Variants in MMS19 observed in about 807,000 individuals in gnomAD.
MMS19 encodes MMS19 cytosolic iron-sulfur assembly component, also known as MMS19 nucleotide excision repair protein homolog.
MMS19 carries 77 observed loss-of-function variants against 129.8 expected under a neutral mutation model. The observed-to-expected ratio is 0.59, with a 90% CI of 0.49 to 0.72. The LOEUF (loss-of-function observed/expected upper bound fraction) is 0.72. Ranked by LOEUF, MMS19 falls within the 30% of genes least tolerant of loss-of-function variation. MMS19 has a pLI of 0.00. For missense variants in MMS19, 1,168 were observed against 1,266.3 expected (o/e 0.92, Z 1.18); for synonymous variants, 491 against 502.8 (o/e 0.98, Z 0.31).
chr10:97,486,293 T>C (rs1473136321), intron 1 of MMS19, among the ~76,000 whole-genome samples: 1 of 152,244 alleles, frequency 6.6e-6, no homozygotes, highest in Non-Finnish European at 1.5e-5. Flanking sequence ...GCAATTCTCC[T>C]GTCTCAGCCA....
intron 12 of MMS19, 129 bp downstream of exon 12, chr10:97,468,837 G>C: frequency 1.1e-6 from 1 of 952,332 alleles, no homozygotes; most frequent in Non-Finnish European, 1.5e-6. Context: ...TTTAACTCCT[G>C]ACCTCAGGTG....
At position 97,462,015 on chromosome 10, in the gene MMS19, A is replaced by G; in HGVS notation, c.2115+2T>C. On this transcript the variant is annotated splice_donor_variant, in intron 21 of 30. Transcript: ENST00000438925. LOFTEE classifies it high-confidence loss of function. ...GAAGGATGTAAGTTCTAAGACTGTT[A>G]CCTGGAATGGCTGGAATCTGCTCGG... is the stretch of plus-strand genomic sequence containing the variant. 2 of 1,585,982 alleles carry G rather than the reference A, an allele frequency of 1.3e-6. No homozygotes were observed. The highest frequency in any genetic ancestry group is 1.2e-5 in the South Asian group (1 of 86,600).
chr10:97,481,599 T>C lies in MMS19; in HGVS notation c.162-557A>G, dbSNP rs74980191. Among the ~76,000 whole-genome samples, 1,222 of 152,284 alleles carry C rather than the reference T, an allele frequency of 8.0e-3. 28 individuals carry two copies. The highest frequency in any genetic ancestry group is 0.074 in the East Asian group (381 of 5,178). On this transcript the variant is annotated intron_variant, in intron 2 of 30. Coordinates refer to ENST00000438925, the MANE Select transcript of MMS19 (RefSeq NM_022362.5). ...AAGTAAGAGGGCCAGAATATAGCTT[T>C]AACTAGTTAACTAGGTAGGATTATT...
At chr10:97,495,716 T>C (rs1197156980) in intron 1 of MMS19, among the ~76,000 whole-genome samples, 8 of 152,268 alleles carry the variant, frequency 5.3e-5, no homozygotes, top group Admixed American at 6.5e-5. Flanking sequence ...TCCAAAGTTA[T>C]ACACAATCCA....
chr10:97,498,595 C>T (rs2040247505), upstream of MMS19: 1 of 579,360 alleles, frequency 1.7e-6, no homozygotes, highest in African/African-American at 2.0e-5. Flanking sequence ...GCTGGGCACG[C>T]AGCCGGAGGC....
At chr10:97,471,519 AT>A (rs869291912) in intron 8 of MMS19, among the ~76,000 whole-genome samples, 7 of 150,628 alleles carry the variant, frequency 4.6e-5, no homozygotes, top group Admixed American at 1.3e-4. Context: ...TATTATTATT[AT>A]TTTTTTTTGA....
rs2031339195 is a variant in MMS19 at position 97,460,126 on chromosome 10, T to C, written c.2576A>G (p.Glu859Gly). The change falls in exon 26 of 31, where the codon GAA (glutamate) becomes GGA (glycine). Residue 859 changes from glutamate to glycine, a missense_variant. Coordinates refer to ENST00000438925, the MANE Select transcript of MMS19 (RefSeq NM_022362.5). The part of the protein sequence containing the change: ...TDVLTRAGHA[E>G]VRIMFRQRFF... ...CCGCTGGCGGAACATGATCCGCACT[T>C]CGGCATGGCCAGCACGAGTCAGCAC... is the stretch of plus-strand genomic sequence containing the variant. The C allele has an allele frequency of 6.2e-7, 1 of 1,614,012 alleles. No individual in the cohort carries two copies. Among genetic ancestry groups the C allele is most frequent in the African/African-American group, 1.3e-5 (1 of 75,040 alleles).
intron 18 of MMS19, 124 bp downstream of exon 18, chr10:97,465,679 ATT>A: frequency 7.0e-6 from 6 of 860,330 alleles, no homozygotes; most frequent in South Asian, 3.7e-5. Context: ...AGGCATCAGT[ATT>A]TTTTTTTTCT....
chr10:97,491,437 T>G (rs533912862), intron 1 of MMS19, among the ~76,000 whole-genome samples: 1 of 151,974 alleles, frequency 6.6e-6, no homozygotes, highest in East Asian at 1.9e-4. Flanking sequence ...GAGGACGAGG[T>G]GGGTGGATCA....
In MMS19 at chr10:97,477,848, C is replaced by G. The variant is rs1377245095; in HGVS notation, c.423+7G>C. 1 of 1,594,880 alleles carries G rather than the reference C, an allele frequency of 6.3e-7. No individual in the cohort carries two copies. On this transcript the variant is annotated splice_region_variant and intron_variant, in intron 5 of 30. Coordinates refer to ENST00000438925, the MANE Select transcript of MMS19 (RefSeq NM_022362.5). ...AGGAGAATACCAACATGACTGTTAT[C>G]CCTCACCTGTACATGCACTTCCTGG...
intron 23 of MMS19, 46 bp from the exon 24 acceptor site, chr10:97,461,053 C>G: frequency 6.9e-7 from 1 of 1,440,554 alleles, no homozygotes; most frequent in Non-Finnish European, 9.4e-7. Flanking sequence ...ACACATTTTC[C>G]CTTTAGCAAT....
chr10:97,460,272 G>T, intron 25 of MMS19, 40 bp from the exon 26 acceptor site: 1 of 1,577,264 alleles, frequency 6.3e-7, no homozygotes, highest in South Asian at 1.1e-5. Context: ...CAGGGAAGAA[G>T]AATCTTAAGT....
intron 26 of MMS19, 85 bp downstream of exon 26, chr10:97,459,961 C>T: frequency 7.0e-7 from 1 of 1,426,636 alleles, no homozygotes; most frequent in Non-Finnish European, 9.7e-7. Flanking sequence ...TCTAAAGAAG[C>T]AAGCGGGCCC....
chr10:97,477,282 T>C (rs2035939726), intron 6 of MMS19, 65 bp downstream of exon 6: 1 of 1,613,342 alleles, frequency 6.2e-7, no homozygotes, highest in East Asian at 2.2e-5. Flanking sequence ...AAATGAGTCC[T>C]ACTAATAGGG....
At chr10:97,488,606 ATAATACT>A (rs1386467673) in intron 1 of MMS19, among the ~76,000 whole-genome samples, 3 of 152,252 alleles carry the variant, frequency 2.0e-5, no homozygotes, top group East Asian at 1.9e-4. Context: ...TAGATTACTC[ATAATACT>A]TAATACAATC....
rs374492111 is a variant in MMS19 at position 97,462,030 on chromosome 10, A to T, written c.2102T>A (p.Phe701Tyr). Residue 701 changes from phenylalanine (F) to tyrosine (Y), a missense_variant, in exon 21 of 31, where the codon TTC becomes TAC. Around this residue, in one of 3 missense-constraint regions of MMS19, gnomAD observed 831 missense variants for 910.8 expected, o/e 0.91. Coordinates refer to ENST00000438925, the MANE Select transcript of MMS19 (RefSeq NM_022362.5). ...FLPENSFPSR[F>Y]QPFQDGSSGQ... ...TAAGACTGTTACCTGGAATGGCTGG[A>T]ATCTGCTCGGGAAGCTGTTTTCAGG... 22 of 1,591,024 alleles carry T rather than the reference A, an allele frequency of 1.4e-5. No individual in the cohort carries two copies. The highest frequency in any genetic ancestry group is 1.9e-5 in the Non-Finnish European group (22 of 1,168,638).
intron 1 of MMS19, among the ~76,000 whole-genome samples, chr10:97,488,429 A>G (rs1444499484): frequency 6.6e-6 from 1 of 152,204 alleles, no homozygotes; most frequent in Non-Finnish European, 1.5e-5. Flanking sequence ...GAAAGCTAGA[A>G]GTTTATCCTC....
At chr10:97,492,275 C>T (rs1394829255) in intron 1 of MMS19, among the ~76,000 whole-genome samples, 1 of 149,750 alleles carries the variant, frequency 6.7e-6, no homozygotes, top group South Asian at 2.1e-4. Flanking sequence ...TTGAGACCAT[C>T]CTGGTTAACA....
In MMS19 at chr10:97,462,121, T is replaced by G. The variant is rs2032145777; in HGVS notation, c.2013-2A>C. The G allele has an allele frequency of 6.4e-7, 1 of 1,569,032 alleles. No individual in the cohort carries two copies. The highest frequency in any genetic ancestry group is 2.3e-5 in the East Asian group (1 of 42,596). The stretch of plus-strand genomic sequence containing the variant: ...TGTGTCACACTCTGGGCAGCTAACC[T>G]GGGGGCAGAGTACTAGGTATGACCA... On this transcript the variant is annotated splice_acceptor_variant, in intron 20 of 30. Coordinates refer to ENST00000438925, the MANE Select transcript of MMS19 (RefSeq NM_022362.5). LOFTEE classifies it high-confidence loss of function.
Sources: gnomAD v4.1 joint callset for allele counts (sites outside exome capture counted in the v4.1 genomes callset) on GRCh38, gnomAD v4.1.1 for gene constraint, gnomAD v4.1.1 regional missense constraint, MANE v1.5 for transcripts, NCBI Gene and HGNC (gene_info 2026-07-23, HGNC 2026-07-21) for gene names.